The following PKD1L3 variants were observed in gnomAD, a reference collection of about 807,000 sequenced individuals.
The protein encoded by PKD1L3 is polycystin-1-like protein 3.
A neutral mutation model predicts 184.1 loss-of-function variants in PKD1L3; 239 were observed. The ratio of observed to expected loss-of-function variants is 1.30; its 90% CI spans 1.17 to 1.45. PKD1L3 has a LOEUF of 1.45. Ranked by LOEUF, PKD1L3 falls within the 40% of genes most tolerant of loss-of-function variation. The probability of loss-of-function intolerance (pLI) is 0.00; values close to 1 mark genes in which losing one functional copy is unlikely to be tolerated. For synonymous variants in PKD1L3, 996 were observed against 778.8 expected, an observed-to-expected ratio of 1.28 and a Z score of -4.64; for missense variants, 2,660 against 2,067.2, an observed-to-expected ratio of 1.29 and a Z score of -5.56.
intron 28 of PKD1L3, 140 bp from the exon 29 acceptor site, chr16:71,930,323 TA>T: frequency 1.2e-6 from 1 of 833,992 alleles, no homozygotes; most frequent in Non-Finnish European, 1.7e-6. Context: ...CAAAAGATAA[TA>T]AGAAGGAAAA....
intron 4 of PKD1L3, among the ~76,000 whole-genome samples, chr16:71,987,036 T>C (rs1020658801): frequency 2.7e-5 from 4 of 148,024 alleles, no homozygotes; most frequent in Admixed American, 6.9e-5. Context: ...GTGATTCTCC[T>C]GCCTCAGCCT....
chr16:71,986,914 A>AT (rs71153694), intron 4 of PKD1L3, among the ~76,000 whole-genome samples: 4,538 of 81,274 alleles, frequency 0.056, 772 homozygotes, highest in Non-Finnish European at 0.07. Context: ...TAAGGAGAGG[A>AT]TTTTTTTTTT....
In PKD1L3 at chr16:71,967,278, T is replaced by TCA. The variant is rs1388166290; in HGVS notation, c.2322_2323dup (p.Glu775ValfsTer30). ...CTGGGGGTCACAGAGGTGATGGGGC[T>TCA]CACTCCGTCCCTCTGATCCATAGAG... On this transcript the variant is annotated frameshift_variant, in exon 15 of 30. Coordinates refer to ENST00000620267, the MANE Select transcript of PKD1L3 (RefSeq NM_181536.2). LOFTEE classifies it high-confidence loss of function. 2.6e-6 allele frequency: 4 copies of TCA among 1,551,506 alleles called. No homozygotes were observed. The highest frequency in any genetic ancestry group is 3.5e-6 in the Non-Finnish European group (4 of 1,146,936).
chr16:71,993,039 G>C (rs752913720), intron 3 of PKD1L3, among the ~76,000 whole-genome samples, 177 bp downstream of exon 3: 4 of 152,184 alleles, frequency 2.6e-5, no homozygotes, highest in Non-Finnish European at 5.9e-5. Flanking sequence ...GGCATATCAA[G>C]AAAACACATA....
chr16:71,953,247 A>T (rs1416956304), intron 17 of PKD1L3, among the ~76,000 whole-genome samples, 154 bp from the exon 18 acceptor site: 1 of 152,192 alleles, frequency 6.6e-6, no homozygotes, highest in East Asian at 1.9e-4. Context: ...TGTGTTCCTA[A>T]TACTGCTTCA....
At chr16:71,978,228 T>C in intron 10 of PKD1L3, 27 bp downstream of exon 10, 14 of 1,542,188 alleles carry the variant, frequency 9.1e-6, no homozygotes, top group Non-Finnish European at 1.1e-5. Context: ...TTCTCTTCTA[T>C]TTTATTCCCT....
intron 12 of PKD1L3, among the ~76,000 whole-genome samples, chr16:71,971,866 A>G (rs1202991604): frequency 6.6e-6 from 1 of 152,130 alleles, no homozygotes; most frequent in Non-Finnish European, 1.5e-5. Flanking sequence ...AGATCACCTG[A>G]GGTCGGGAGT....
chr16:71,993,074 A>G (rs1330637302), intron 3 of PKD1L3, 142 bp downstream of exon 3: 10 of 544,146 alleles, frequency 1.8e-5, no homozygotes, highest in East Asian at 1.7e-4. Context: ...AAAGACTGCC[A>G]TATTAAGATC....
intron 2 of PKD1L3, among the ~76,000 whole-genome samples, chr16:71,994,016 C>A (rs1022043593): frequency 6.6e-6 from 1 of 152,120 alleles, no homozygotes; most frequent in African/African-American, 2.4e-5. Flanking sequence ...GTAATGTGCC[C>A]GCCTTGGCCT....
chr16:71,964,578 A>G (rs2039424616), intron 15 of PKD1L3, among the ~76,000 whole-genome samples: 1 of 151,534 alleles, frequency 6.6e-6, no homozygotes, highest in South Asian at 2.1e-4. Context: ...TGACCTCGTG[A>G]TCTGCCCGCC....
chr16:71,952,628 G>T (rs1168233622), intron 18 of PKD1L3, among the ~76,000 whole-genome samples: 1 of 151,826 alleles, frequency 6.6e-6, no homozygotes, highest in Non-Finnish European at 1.5e-5. Context: ...TGAGCCCAAG[G>T]GTTTGAGACC....
rs2038209928 is a variant in PKD1L3 at position 71,937,188 on chromosome 16, TG to T, written c.4452+103del. On this transcript the variant is annotated intron_variant, in intron 25 of 29. Coordinates refer to ENST00000620267, the MANE Select transcript of PKD1L3 (RefSeq NM_181536.2). ...CTCACATCTCAGCCTCCCGAGTAGC[TG>T]GGACCACAGGTGCATGCCACCACAC... The T allele has an allele frequency of 1.9e-5, 22 of 1,187,616 alleles. No individual in the cohort carries two copies. The East Asian group carries it at 5.9e-4, about 32-fold the overall frequency. The allele number at this position is 1,187,616 out of a possible 1,614,324, so 73.6% of individuals were successfully genotyped here.
intron 4 of PKD1L3, among the ~76,000 whole-genome samples, chr16:71,988,376 G>A (rs2040456916): frequency 6.6e-6 from 1 of 152,150 alleles, no homozygotes; most frequent in Non-Finnish European, 1.5e-5. Context: ...CATATTTTTA[G>A]TAGAGATGGG....
chr16:71,996,934 G>C (rs2040806677), intron 2 of PKD1L3, among the ~76,000 whole-genome samples: 1 of 148,434 alleles, frequency 6.7e-6, no homozygotes. Flanking sequence ...GCCTTGGACG[G>C]ACTCCAAATT....
chr16:71,950,117 CCT>C lies in PKD1L3; in HGVS notation c.3382_3383del (p.Arg1128GlyfsTer37). On this transcript the variant is annotated frameshift_variant and splice_region_variant, in exon 20 of 30. Transcript: ENST00000620267. LOFTEE classifies it high-confidence loss of function. ...HILPTEQEPS[R>X]EVTSFAILSS... ...AAAGAAGGCTTGGTGTGGTGCATTACCTGGATGGCTCTTGCTCCGTGGGAAGA... is the reference window on the plus strand; with the variant it reads ...AAAGAAGGCTTGGTGTGGTGCATTACGGATGGCTCTTGCTCCGTGGGAAGA... 1.3e-6 allele frequency: 2 copies of C among 1,551,298 alleles called. No individual in the cohort carries two copies. The highest frequency in any genetic ancestry group is 1.7e-6 in the Non-Finnish European group (2 of 1,146,518).
At chr16:71,969,806 T>C in intron 13 of PKD1L3, 69 bp downstream of exon 13, 1 of 1,387,990 alleles carries the variant, frequency 7.2e-7, no homozygotes, top group South Asian at 1.4e-5. Flanking sequence ...GACGAAGGTG[T>C]TTTTTCCTTC....
In PKD1L3 at chr16:71,933,309, C is replaced by G; in HGVS notation, c.4926+111G>C. On this transcript the variant is annotated intron_variant, in intron 28 of 29. Transcript: ENST00000620267. ...CAGTAGAGCAAAGGACTGAAATTTT[C>G]CCCCTTTTCCAGTGTGCAGTGTACA... The G allele has an allele frequency of 2.6e-6, 2 of 772,552 alleles. 1 individual carries two copies. Among genetic ancestry groups the G allele is most frequent in the South Asian group, 3.2e-5 (2 of 63,490 alleles). The allele number at this position is 772,552 out of a possible 1,614,324, so 47.9% of individuals were successfully genotyped here. A position where few individuals can be genotyped will look rare whatever the true frequency, so the allele number is the denominator to read the frequency against.
chr16:71,998,684 C>CAGGTGA (rs1026441923), intron 1 of PKD1L3, among the ~76,000 whole-genome samples: 2 of 152,142 alleles, frequency 1.3e-5, no homozygotes, highest in African/African-American at 4.8e-5. Context: ...CTCCTGATCT[C>CAGGTGA]AGGTGATCCA....
At chr16:71,975,875 T>A (rs758781506) in intron 11 of PKD1L3, among the ~76,000 whole-genome samples, 1 of 152,228 alleles carries the variant, frequency 6.6e-6, no homozygotes. Context: ...TTAATGTTAT[T>A]TTCTGGTTGT....
Sources: allele counts gnomAD v4.1 joint callset (sites outside exome capture counted in the v4.1 genomes callset), GRCh38; gene constraint gnomAD v4.1.1; transcripts MANE v1.5; gene names NCBI Gene and HGNC (gene_info 2026-07-23, HGNC 2026-07-21).